CRHR2: variants seen among roughly 807,000 people sequenced by gnomAD.
The protein encoded by CRHR2 is corticotropin releasing hormone receptor 2.
A neutral mutation model predicts 57.9 loss-of-function variants in CRHR2; 53 were observed. That is an observed-to-expected ratio of 0.92 (90% CI 0.73 to 1.15). The LOEUF is 1.15. Among genes scored for constraint, CRHR2 ranks in the 50% most tolerant of loss-of-function variants. The pLI is 0.00. For missense variants in CRHR2, 532 were observed against 542.6 expected, an observed-to-expected ratio of 0.98 and a Z score of 0.19; for synonymous variants, 213 against 220.9, an observed-to-expected ratio of 0.96 and a Z score of 0.32.
exon 1 of CRHR2, chr7:30,699,944 G>T (rs758763493): frequency 2.0e-6 from 3 of 1,507,920 alleles, no homozygotes; most frequent in Admixed American, 2.2e-5. Context: ...CTGCACTTAC[G>T]TATTGGAGCG....
Position 30,665,499 on chromosome 7 carries a change from A to G in CRHR2, c.425+31T>C. On this transcript the variant is annotated intron_variant, in intron 4 of 11. Coordinates refer to ENST00000471646, the MANE Select transcript of CRHR2 (RefSeq NM_001883.5). The surrounding 1 kb of genome is among the most constrained non-coding windows in gnomAD (Gnocchi z 4.5). ...AGGGGGTGCTGTAGGGGGAGGGATG[A>G]GGAGAAAGCAAGGCGGAAGGGCAGA... 6.6e-7 allele frequency: 1 copy of G among 1,514,718 alleles called. No homozygotes were observed. Among genetic ancestry groups the G allele is most frequent in the Non-Finnish European group, 9.0e-7 (1 of 1,113,398 alleles). 93.8% of individuals were successfully genotyped at this position (1,514,718 alleles called of 1,614,324 possible).
Position 30,655,089 on chromosome 7 carries a change from G to A in CRHR2, c.1054-9C>T. The A allele has an allele frequency of 6.2e-7, 1 of 1,612,718 alleles. No homozygotes were observed. The highest frequency in any genetic ancestry group is 8.5e-7 in the Non-Finnish European group (1 of 1,179,278). On this transcript the variant is annotated splice_polypyrimidine_tract_variant and intron_variant, in intron 10 of 11. Transcript: ENST00000471646. ...ACAGACACGAAGAAACCCTGGAAAG[G>A]AGGGAAAGGAGGGAGTGGTCAGTGA...
intron 2 of CRHR2, among the ~76,000 whole-genome samples, chr7:30,672,043 T>G (rs542649356): frequency 1.3e-4 from 20 of 152,164 alleles, no homozygotes; most frequent in Non-Finnish European, 2.4e-4. Flanking sequence ...ACAGCACAAC[T>G]CCATTCTTCA....
chr7:30,675,607 G>A (rs544618211), intron 2 of CRHR2, among the ~76,000 whole-genome samples: 126 of 151,770 alleles, frequency 8.3e-4, no homozygotes, highest in African/African-American at 2.8e-3. Context: ...TTCCACTTCC[G>A]CTCCCACCCT....
chr7:30,661,948 C>T (rs1021761906), intron 7 of CRHR2, among the ~76,000 whole-genome samples: 1 of 152,214 alleles, frequency 6.6e-6, no homozygotes, highest in African/African-American at 2.4e-5. Context: ...CAATTCCTAA[C>T]TTAATTCAGC....
rs752279347 is a variant in CRHR2, at chr7:30,662,202, T to TGG, written c.710_711dup (p.Ile238ProfsTer41). ...TTGCCGATGGCCCAGGCGACGATGATGGGGAAGGGGATGCCTGAAAGAAGG... is the reference window on the plus strand; with the variant it reads ...TTGCCGATGGCCCAGGCGACGATGATGGGGGGAAGGGGATGCCTGAAAGAAGG... On this transcript the variant is annotated frameshift_variant, in exon 7 of 12. Coordinates refer to ENST00000471646, the MANE Select transcript of CRHR2 (RefSeq NM_001883.5). LOFTEE classifies it high-confidence loss of function. 6.2e-7 allele frequency: 1 copy of TGG among 1,614,036 alleles called. No homozygotes were observed. Among genetic ancestry groups the TGG allele is most frequent in the Non-Finnish European group, 8.5e-7 (1 of 1,180,008 alleles).
At chr7:30,685,300 C>T (rs1286136033), upstream of CRHR2, among the ~76,000 whole-genome samples, 2 of 152,228 alleles carry the variant, frequency 1.3e-5, no homozygotes, top group Non-Finnish European at 2.9e-5. Context: ...CACAGTTATG[C>T]ATCTTCACCA....
chr7:30,669,405 G>T (rs951791122), intron 2 of CRHR2, among the ~76,000 whole-genome samples: 1 of 152,186 alleles, frequency 6.6e-6, no homozygotes, highest in Non-Finnish European at 1.5e-5. Context: ...CCTGAGGACA[G>T]GGCCTTGGAA....
At chr7:30,697,053 A>G (rs1354476171) in intron 1 of CRHR2, among the ~76,000 whole-genome samples, 1 of 152,232 alleles carries the variant, frequency 6.6e-6, no homozygotes, top group Admixed American at 6.5e-5. Flanking sequence ...AAGTCATTCA[A>G]TGCATTAGCT....
chr7:30,665,252 A>G lies in CRHR2; in HGVS notation c.426-65T>C, dbSNP rs1784141150. 7.2e-7 allele frequency: 1 copy of G among 1,392,534 alleles called. No individual in the cohort carries two copies. 86.3% of individuals were successfully genotyped at this position (1,392,534 alleles called of 1,614,324 possible). On this transcript the variant is annotated intron_variant, in intron 4 of 11. Coordinates refer to ENST00000471646, the MANE Select transcript of CRHR2 (RefSeq NM_001883.5). This position sits in a 1 kb window ranked among gnomAD's most constrained non-coding sequence, Gnocchi z 4.5. Reference sequence around the variant, plus strand: ...GTCAACTGGGACTGGGTTCCCCCTGAGGCCAGGTAGAGACTCAGCCTGGGA... The same window carrying G: ...GTCAACTGGGACTGGGTTCCCCCTGGGGCCAGGTAGAGACTCAGCCTGGGA...
intron 1 of CRHR2, chr7:30,698,296 C>A (rs982553842): frequency 6.6e-6 from 1 of 152,326 alleles, no homozygotes; most frequent in Non-Finnish European, 1.5e-5. Context: ...CCTGGGATGA[C>A]CTCAAGGGAC....
chr7:30,686,249 G>T, upstream of CRHR2: 1 of 1,210,620 alleles, frequency 8.3e-7, no homozygotes, highest in Middle Eastern at 2.6e-4. Flanking sequence ...TCACATCCAG[G>T]TTGCTTTTTA....
chr7:30,675,842 C>T (rs1784499235), intron 2 of CRHR2, among the ~76,000 whole-genome samples: 1 of 152,238 alleles, frequency 6.6e-6, no homozygotes, highest in African/African-American at 2.4e-5. Context: ...CCCTGGAAGG[C>T]AGGCTCAGGT....
intron 1 of CRHR2, among the ~76,000 whole-genome samples, chr7:30,695,707 G>A (rs73685769): frequency 0.017 from 2,644 of 152,232 alleles, 72 homozygotes; most frequent in African/African-American, 0.059. Context: ...ATTTGTTTTG[G>A]AGTCTGTCCG....
chr7:30,657,473 C>G (rs559447300), intron 8 of CRHR2, among the ~76,000 whole-genome samples: 1 of 152,302 alleles, frequency 6.6e-6, no homozygotes, highest in African/African-American at 2.4e-5. Flanking sequence ...GGCATATTCC[C>G]CTGGATCATG....
intron 2 of CRHR2, among the ~76,000 whole-genome samples, chr7:30,687,464 TA>T (rs570334162): frequency 6.6e-6 from 1 of 151,166 alleles, no homozygotes. Context: ...AAAAAGAAAA[TA>T]AAAAAACAAT....
intron 1 of CRHR2, among the ~76,000 whole-genome samples, chr7:30,697,808 C>T (rs1180057572): frequency 6.6e-6 from 1 of 152,202 alleles, no homozygotes; most frequent in Non-Finnish European, 1.5e-5. Flanking sequence ...CTACCCATCT[C>T]CAACTCTGCT....
intron 3 of CRHR2, among the ~76,000 whole-genome samples, chr7:30,666,665 T>TG (rs1784193762): frequency 6.6e-6 from 1 of 152,190 alleles, no homozygotes; most frequent in South Asian, 2.1e-4. Context: ...TGCTGGGTAA[T>TG]GAGGAGGGGA....
chr7:30,672,841 G>A (rs1029873667), intron 2 of CRHR2, among the ~76,000 whole-genome samples: 9 of 152,218 alleles, frequency 5.9e-5, no homozygotes, highest in African/African-American at 2.2e-4. Context: ...GACAACTTCT[G>A]CATTTGGTCT....
Sources: gnomAD v4.1 joint callset for allele counts (sites outside exome capture counted in the v4.1 genomes callset) on GRCh38, gnomAD v4.1.1 for gene constraint, Gnocchi (gnomAD v3.1) non-coding constraint, MANE v1.5 for transcripts, NCBI Gene and HGNC (gene_info 2026-07-23, HGNC 2026-07-21) for gene names.